PCNX2: variants seen among roughly 807,000 people sequenced by gnomAD.
The protein encoded by PCNX2 is pecanex 2.
Under a neutral mutation model 223.8 loss-of-function variants are expected in PCNX2, and 168 were observed. The observed-to-expected ratio is 0.75, with a 90% CI of 0.66 to 0.85. PCNX2 has a LOEUF of 0.85. Among genes scored for constraint, PCNX2 ranks in the 40% least tolerant of loss-of-function variants. The probability of loss-of-function intolerance (pLI) is 0.00; values close to 1 mark genes in which losing one functional copy is unlikely to be tolerated. For synonymous variants in PCNX2, 1,006 were observed against 1,052.6 expected, an observed-to-expected ratio of 0.96 and a Z score of 0.86; for missense variants, 2,507 against 2,675.5, an observed-to-expected ratio of 0.94 and a Z score of 1.39.
At chr1:233,099,509 GCTTA>G (rs1475510149) in intron 21 of PCNX2, among the ~76,000 whole-genome samples, 3 of 152,296 alleles carry the variant, frequency 2.0e-5, no homozygotes, top group Admixed American at 6.5e-5. Context: ...CCGACTGCTG[GCTTA>G]CTTGTGCTTC....
chr1:233,238,577 C>G (rs1028302949), intron 8 of PCNX2, among the ~76,000 whole-genome samples: 5 of 151,700 alleles, frequency 3.3e-5, no homozygotes, highest in African/African-American at 1.2e-4. Context: ...CCTGTAGTCC[C>G]AGCTACTTGG....
Position 233,263,044 on chromosome 1 carries a change from A to G in PCNX2, c.273T>C (p.Ile91=), listed in dbSNP as rs1660140225. Residue 91 remains isoleucine, a synonymous_variant, in exon 2 of 34, where the codon ATT becomes ATC. Transcript: ENST00000258229. ...LHLMFDKGEV[I]QQKPSRKEEK... is the part of the protein sequence containing the mutation. The stretch of plus-strand genomic sequence containing the variant: ...CTTCCTTTCTGGAGGGCTTTTGCTG[A>G]ATTACTTCTCCTTTGTCAAACATGA... 6.2e-7 allele frequency: 1 copy of G among 1,613,696 alleles called. No individual in the cohort carries two copies. Among genetic ancestry groups the G allele is most frequent in the South Asian group, 1.1e-5 (1 of 91,084 alleles).
chr1:233,064,657 G>T (rs1037507245), intron 23 of PCNX2, among the ~76,000 whole-genome samples: 1 of 152,094 alleles, frequency 6.6e-6, no homozygotes, highest in Non-Finnish European at 1.5e-5. Flanking sequence ...AGTGGGTTTT[G>T]CTGTTTTCTG....
intron 19 of PCNX2, among the ~76,000 whole-genome samples, chr1:233,142,915 TCTC>T (rs1677213940): frequency 6.6e-6 from 1 of 152,132 alleles, no homozygotes. Context: ...TCCTCTGTCA[TCTC>T]CTCTTCCCCT....
intron 21 of PCNX2, among the ~76,000 whole-genome samples, chr1:233,115,741 C>T (rs758347514): frequency 6.6e-5 from 10 of 151,458 alleles, no homozygotes; most frequent in Non-Finnish European, 1.5e-4. Context: ...TAATCCATGG[C>T]AAAAAGAAAG....
chr1:233,113,675 A>T (rs142773649), intron 21 of PCNX2, among the ~76,000 whole-genome samples: 1 of 152,328 alleles, frequency 6.6e-6, no homozygotes, highest in African/African-American at 2.4e-5. Context: ...GACGCACTAG[A>T]GGTGTGTGTT....
At chr1:233,218,001 G>A (rs776844847) in intron 11 of PCNX2, 30 bp downstream of exon 11, 9 of 1,612,342 alleles carry the variant, frequency 5.6e-6, no homozygotes, top group East Asian at 4.5e-5. Flanking sequence ...GACAGCACAC[G>A]CTACTGGTAA....
chr1:233,100,826 C>T (rs1040853), intron 21 of PCNX2, among the ~76,000 whole-genome samples: 19,946 of 152,154 alleles, frequency 0.13, 1,400 homozygotes, highest in East Asian at 0.21. Flanking sequence ...ATCACCTTTT[C>T]GCCTATTTCT....
intron 21 of PCNX2, among the ~76,000 whole-genome samples, chr1:233,105,327 G>A (rs768556622): frequency 9.9e-5 from 15 of 152,090 alleles, no homozygotes; most frequent in Non-Finnish European, 2.2e-4. Flanking sequence ...GGTGCAGAAA[G>A]GACGTTGAAA....
intron 17 of PCNX2, among the ~76,000 whole-genome samples, chr1:233,171,075 A>G (rs1424035949): frequency 1.3e-5 from 2 of 152,192 alleles, no homozygotes; most frequent in Non-Finnish European, 2.9e-5. Context: ...TCTCTTGGAC[A>G]TTACGAAGAC....
chr1:233,268,270 C>T (rs1453245380), intron 1 of PCNX2, among the ~76,000 whole-genome samples: 1 of 152,170 alleles, frequency 6.6e-6, no homozygotes, highest in Non-Finnish European at 1.5e-5. Flanking sequence ...TGCTGTGTTA[C>T]ATCACTCTGG....
At chr1:233,172,307 A>G in intron 17 of PCNX2, 11 of 969,648 alleles carry the variant, frequency 1.1e-5, no homozygotes, top group Non-Finnish European at 1.3e-5. Context: ...CCTTCTAGAA[A>G]GGATTTATGT....
rs696857 is a variant in PCNX2 at position 233,217,827 on chromosome 1, A to G, written c.2691+72T>C. 0.014 allele frequency: 22,087 copies of G among 1,571,986 alleles called. 2,108 individuals are homozygous for G. In the African/African-American group the frequency reaches 0.24, roughly 17 times the overall value. On this transcript the variant is annotated intron_variant, in intron 12 of 33. Coordinates refer to ENST00000258229, the MANE Select transcript of PCNX2 (RefSeq NM_014801.4). Reference sequence around the variant, plus strand: ...TAGGTACAGACTTGGCCCTTTGACTAGATTTTGGCTTTTTCCCTGTCTTCA... The same window carrying G: ...TAGGTACAGACTTGGCCCTTTGACTGGATTTTGGCTTTTTCCCTGTCTTCA...
At position 233,177,822 on chromosome 1, in the gene PCNX2, T is replaced by C. The variant is rs1679568278; in HGVS notation, c.3253A>G (p.Lys1085Glu). 6 of 1,613,652 alleles carry C rather than the reference T, an allele frequency of 3.7e-6. No homozygotes were observed. Among genetic ancestry groups the C allele is most frequent in the Middle Eastern group, 1.6e-4 (1 of 6,062 alleles). ...LAESAADPLPKKMKDSVTDVL... is the reference protein window; with the variant it reads ...LAESAADPLPEKMKDSVTDVL... ...CTCACCACTGAATCTTTCATCTTCT[T>C]GGGGAGAGGGTCAGCAGCTGACTCT... The change falls in exon 17 of 34, where the codon AAG (lysine) becomes GAG (glutamate). Residue 1085 changes from lysine to glutamate, a missense_variant. By Grantham distance (56) the Lys-to-Glu change is moderately conservative. This residue lies in a region of PCNX2 where 1,372 missense variants were observed against 1,509.4 expected (regional missense o/e 0.91). Transcript: ENST00000258229.
upstream of PCNX2, among the ~76,000 whole-genome samples, chr1:233,295,892 C>T (rs1488559544): frequency 6.6e-6 from 1 of 151,840 alleles, no homozygotes; most frequent in African/African-American, 2.4e-5. This position sits in a 1 kb window ranked among gnomAD's most constrained non-coding sequence, Gnocchi z 4.1. Context: ...CTTTCTTTCT[C>T]TCTCTCTTTT....
chr1:233,270,837 T>C (rs1387357295), intron 1 of PCNX2, among the ~76,000 whole-genome samples: 3 of 152,060 alleles, frequency 2.0e-5, no homozygotes, highest in Non-Finnish European at 4.4e-5. Context: ...CTACAGGGAA[T>C]GGTAAGATGA....
intron 23 of PCNX2, among the ~76,000 whole-genome samples, chr1:233,073,681 T>C (rs1046557849): frequency 6.6e-6 from 1 of 152,160 alleles, no homozygotes; most frequent in South Asian, 2.1e-4. Context: ...GGTGTGATCA[T>C]AGCTCACTGA....
chr1:233,107,601 G>A (rs1219153079), intron 21 of PCNX2, among the ~76,000 whole-genome samples: 1 of 151,490 alleles, frequency 6.6e-6, no homozygotes, highest in African/African-American at 2.4e-5. Context: ...AAATACTTCA[G>A]AAGGCTTCTG....
At chr1:233,133,827 T>G (rs542164400) in intron 21 of PCNX2, among the ~76,000 whole-genome samples, 19 of 152,292 alleles carry the variant, frequency 1.2e-4, no homozygotes, top group African/African-American at 4.6e-4. Flanking sequence ...GCCACTGCAC[T>G]CCAGCCTGTG....
Sources: allele counts gnomAD v4.1 joint callset (sites outside exome capture counted in the v4.1 genomes callset), GRCh38; gene constraint gnomAD v4.1.1; regional missense constraint gnomAD v4.1.1; non-coding constraint Gnocchi (gnomAD v3.1); transcripts MANE v1.5; gene names NCBI Gene and HGNC (gene_info 2026-07-23, HGNC 2026-07-21).